FBXO34: variants seen among roughly 807,000 people sequenced by gnomAD.
FBXO34 encodes the protein F-box protein 34, also known as F-box only protein 34.
In FBXO34, 12 loss-of-function variants were observed where a neutral mutation model predicts 24.5. That is an observed-to-expected ratio of 0.49 (90% CI 0.31 to 0.79). FBXO34 has a LOEUF of 0.79. FBXO34 is among the 30% of genes least tolerant of loss of function. The pLI is 0.04. For synonymous variants in FBXO34, 320 were observed against 311.9 expected, an observed-to-expected ratio of 1.03 and a Z score of -0.27; for missense variants, 823 against 857.7, an observed-to-expected ratio of 0.96 and a Z score of 0.51.
chr14:55,313,595 C>G (rs1309114949), intron 1 of FBXO34, among the ~76,000 whole-genome samples: 1 of 152,172 alleles, frequency 6.6e-6, no homozygotes, highest in Non-Finnish European at 1.5e-5. Flanking sequence ...GTTTAATTGA[C>G]TCACAGTTTC....
At chr14:55,322,137 C>T (rs956499811) in intron 1 of FBXO34, among the ~76,000 whole-genome samples, 21 of 151,488 alleles carry the variant, frequency 1.4e-4, no homozygotes, top group Middle Eastern at 3.2e-3. Context: ...GGTGAAACCT[C>T]GTCTCTACTA....
intron 1 of FBXO34, among the ~76,000 whole-genome samples, chr14:55,272,557 C>T (rs1594716132): frequency 1.5e-5 from 2 of 136,718 alleles, no homozygotes; most frequent in Non-Finnish European, 1.6e-5. Flanking sequence ...GGACATCTAT[C>T]TGCTTGTTAG....
At chr14:55,280,653 A>C (rs550485272) in intron 1 of FBXO34, among the ~76,000 whole-genome samples, 1 of 151,252 alleles carries the variant, frequency 6.6e-6, no homozygotes, top group African/African-American at 2.4e-5. Flanking sequence ...CAGCCTCCCA[A>C]GTAGCTGGGA....
chr14:55,281,825 C>G (rs1362496920), intron 1 of FBXO34, among the ~76,000 whole-genome samples: 1 of 152,104 alleles, frequency 6.6e-6, no homozygotes, highest in African/African-American at 2.4e-5. Flanking sequence ...CTTATCTCCC[C>G]TAATAAATTC....
chr14:55,273,324 C>T (rs1039615558), intron 1 of FBXO34, among the ~76,000 whole-genome samples: 3 of 152,094 alleles, frequency 2.0e-5, no homozygotes, highest in Non-Finnish European at 2.9e-5. Flanking sequence ...AAAATTTACC[C>T]GTTAGGTACT....
the FBXO34 span, among the ~76,000 whole-genome samples, chr14:55,383,528 G>A: frequency 6.6e-6 from 1 of 151,990 alleles, no homozygotes; most frequent in African/African-American, 2.4e-5. Flanking sequence ...TCCAGCCTGG[G>A]TGACAAAGCG....
chr14:55,321,023 A>C (rs987913536), intron 1 of FBXO34, among the ~76,000 whole-genome samples: 3 of 152,030 alleles, frequency 2.0e-5, no homozygotes, highest in African/African-American at 7.2e-5. Context: ...GAAAACCAAA[A>C]AATAAACAGT....
chr14:55,291,683 C>T (rs1302414279), intron 1 of FBXO34, among the ~76,000 whole-genome samples: 2 of 152,026 alleles, frequency 1.3e-5, no homozygotes, highest in Non-Finnish European at 1.5e-5. Context: ...AAAACCCCAA[C>T]AAATTAGACA....
Position 55,352,745 on chromosome 14 carries a change from G to T in FBXO34, c.*219G>T. The T allele has an allele frequency of 2.0e-6, 1 of 494,054 alleles. No homozygotes were observed. Among genetic ancestry groups the T allele is most frequent in the Non-Finnish European group, 3.7e-6 (1 of 273,698 alleles). The allele number at this position is 494,054 out of a possible 1,614,324, so 30.6% of individuals were successfully genotyped here. A position where few individuals can be genotyped will look rare whatever the true frequency, so the allele number is the denominator to read the frequency against. On this transcript the variant is annotated 3_prime_UTR_variant, in exon 2 of 2. Coordinates refer to ENST00000313833, the MANE Select transcript of FBXO34 (RefSeq NM_017943.4). The stretch of plus-strand genomic sequence containing the variant: ...GGCATCTCATGTTTGAACCCGGGTG[G>T]TATCCCACAGTTGGATTCAGTTGGC...
At chr14:55,296,399 T>TG (rs1422832522) in intron 1 of FBXO34, among the ~76,000 whole-genome samples, 33 of 132,284 alleles carry the variant, frequency 2.5e-4, no homozygotes, top group African/African-American at 8.5e-4. Flanking sequence ...TTGTTTTTTT[T>TG]TTTTTTTTTT....
the FBXO34 span, among the ~76,000 whole-genome samples, chr14:55,437,215 G>A: frequency 6.6e-6 from 1 of 152,014 alleles, no homozygotes; most frequent in Non-Finnish European, 1.5e-5. Context: ...GGTAGCTCAC[G>A]CCTGTAATCC....
chr14:55,349,465 A>G (rs902145039), intron 1 of FBXO34, among the ~76,000 whole-genome samples: 4 of 151,682 alleles, frequency 2.6e-5, no homozygotes, highest in Non-Finnish European at 5.9e-5. Flanking sequence ...GAAATTCGAC[A>G]GTTAAATGTT....
At chr14:55,384,609 A>T in the FBXO34 span, among the ~76,000 whole-genome samples, 1 of 152,226 alleles carries the variant, frequency 6.6e-6, no homozygotes, top group Non-Finnish European at 1.5e-5. Context: ...GAGTCAAGAG[A>T]GCAGCTTCTC....
At chr14:55,375,815 T>C in the FBXO34 span, among the ~76,000 whole-genome samples, 4 of 152,230 alleles carry the variant, frequency 2.6e-5, no homozygotes, top group Non-Finnish European at 4.4e-5. Flanking sequence ...ACAGCACTGA[T>C]AGTAGGCATC....
At chr14:55,396,027 A>C in the FBXO34 span, 2 of 1,468,820 alleles carry the variant, frequency 1.4e-6, no homozygotes, top group Non-Finnish European at 1.8e-6. Context: ...AAATAATAAA[A>C]TTCTGTGAAG....
intron 1 of FBXO34, among the ~76,000 whole-genome samples, chr14:55,279,512 G>A (rs1193879525): frequency 1.2e-4 from 18 of 152,160 alleles, no homozygotes; most frequent in Admixed American, 1.1e-3. Flanking sequence ...TTCAGTTAGA[G>A]GTTAAAGTAA....
chr14:55,369,727 C>T (rs753867553), downstream of FBXO34: 4 of 1,613,084 alleles, frequency 2.5e-6, no homozygotes, highest in South Asian at 4.4e-5. Context: ...CCTGGGTGCT[C>T]TGACTCTGGG....
Position 55,352,587 on chromosome 14 carries a change from C to G in FBXO34, c.*61C>G. 2 of 1,378,258 alleles carry G rather than the reference C, an allele frequency of 1.5e-6. No homozygotes were observed. The highest frequency in any genetic ancestry group is 2.0e-6 in the Non-Finnish European group (2 of 1,014,736). 85.4% of individuals were successfully genotyped at this position (1,378,258 alleles called of 1,614,324 possible). ...AAAGCTGCAAAACACCTAGATACAC[C>G]GTTCAAATGAGCGTAGCCCCCTGAG... On this transcript the variant is annotated 3_prime_UTR_variant, in exon 2 of 2. Transcript: ENST00000313833.
chr14:55,411,339 T>C, the FBXO34 span, among the ~76,000 whole-genome samples: 21 of 152,224 alleles, frequency 1.4e-4, no homozygotes, highest in African/African-American at 5.1e-4. Flanking sequence ...CACTTATTCC[T>C]TTTTTCCCCA....
Sources: allele counts gnomAD v4.1 joint callset (sites outside exome capture counted in the v4.1 genomes callset), GRCh38; gene constraint gnomAD v4.1.1; transcripts MANE v1.5; gene names NCBI Gene and HGNC (gene_info 2026-07-23, HGNC 2026-07-21).